The following CRTAC1 variants were observed in gnomAD, a reference collection of about 807,000 sequenced individuals.
The protein encoded by CRTAC1 is acidic secreted protein in cartilage.
Under a neutral mutation model 67.8 loss-of-function variants are expected in CRTAC1, and 37 were observed. The ratio of observed to expected loss-of-function variants is 0.55; its 90% CI spans 0.42 to 0.72. The LOEUF (loss-of-function observed/expected upper bound fraction) is 0.72, where lower values mean the gene tolerates loss of function less well. Among genes scored for constraint, CRTAC1 ranks in the 30% least tolerant of loss-of-function variants. The probability of loss-of-function intolerance (pLI) is 0.00; values close to 1 mark genes in which losing one functional copy is unlikely to be tolerated. For missense variants in CRTAC1, 780 were observed against 931.6 expected, an observed-to-expected ratio of 0.84 and a Z score of 2.12; for synonymous variants, 348 against 371.0, an observed-to-expected ratio of 0.94 and a Z score of 0.71.
At chr10:97,961,771 GCCTATAAAGCC>G (rs986227592) in intron 2 of CRTAC1, among the ~76,000 whole-genome samples, 14 of 152,194 alleles carry the variant, frequency 9.2e-5, no homozygotes, top group African/African-American at 3.4e-4. Context: ...AGTGGCTCAT[GCCTATAAAGCC>G]CCAGTAGTCT....
chr10:97,939,367 T>C (rs981975353), intron 2 of CRTAC1, among the ~76,000 whole-genome samples: 5 of 152,130 alleles, frequency 3.3e-5, no homozygotes, highest in Admixed American at 3.3e-4. Flanking sequence ...TTCGATCAGT[T>C]ACTGAGTGAG....
chr10:97,923,277 C>A lies in CRTAC1; in HGVS notation c.545G>T (p.Cys182Phe). Reference protein sequence around the residue: ...ASLFAGRSVACVDRKGSGRYS... With the variant: ...ASLFAGRSVAFVDRKGSGRYS... Reference sequence around the variant, plus strand: ...CCCTGCACTCACCTTTCTGTCCACACAGGCCACAGAGCGTCCGGCAAAGAG... The same window carrying A: ...CCCTGCACTCACCTTTCTGTCCACAAAGGCCACAGAGCGTCCGGCAAAGAG... The change falls in exon 4 of 15, where the codon TGT (cysteine) becomes TTT (phenylalanine). Residue 182 changes from cysteine (C) to phenylalanine (F), a missense_variant. Transcript: ENST00000370597. The A allele has an allele frequency of 6.2e-7, 1 of 1,614,140 alleles. No individual in the cohort carries two copies. The highest frequency in any genetic ancestry group is 8.5e-7 in the Non-Finnish European group (1 of 1,180,042).
intron 5 of CRTAC1, among the ~76,000 whole-genome samples, chr10:97,917,127 G>T (rs2050770265): frequency 6.6e-6 from 1 of 152,190 alleles, no homozygotes; most frequent in Admixed American, 6.5e-5. Flanking sequence ...TTAAATCTCG[G>T]CTTTTGTGAT....
intron 11 of CRTAC1, among the ~76,000 whole-genome samples, chr10:97,889,581 G>A (rs1356498923): frequency 6.6e-6 from 1 of 152,084 alleles, no homozygotes; most frequent in African/African-American, 2.4e-5. Flanking sequence ...ACCCATGGAC[G>A]GAGGTGGGGA....
intron 1 of CRTAC1, among the ~76,000 whole-genome samples, chr10:98,013,736 T>C (rs1471256899): frequency 6.6e-6 from 1 of 152,236 alleles, no homozygotes; most frequent in Non-Finnish European, 1.5e-5. Flanking sequence ...GCTGCTTCTA[T>C]AAACTTCAGG....
chr10:97,883,491 T>C (rs1279782492), intron 12 of CRTAC1, among the ~76,000 whole-genome samples: 1 of 152,084 alleles, frequency 6.6e-6, no homozygotes, highest in Admixed American at 6.5e-5. Context: ...CAATCAACCG[T>C]ACTGATGAAT....
intron 8 of CRTAC1, among the ~76,000 whole-genome samples, chr10:97,897,362 C>T (rs980056754): frequency 1.3e-5 from 2 of 152,194 alleles, no homozygotes; most frequent in African/African-American, 2.4e-5. Flanking sequence ...TTTAACCCCA[C>T]TCAATGCTAC....
intron 1 of CRTAC1, among the ~76,000 whole-genome samples, chr10:98,025,331 C>T (rs1564941037): frequency 2.0e-5 from 3 of 152,156 alleles, no homozygotes; most frequent in South Asian, 4.2e-4. Context: ...CTAGTGGATA[C>T]TAGTAGCACC....
intron 2 of CRTAC1, among the ~76,000 whole-genome samples, chr10:98,000,658 G>A (rs1842670798): frequency 6.6e-6 from 1 of 152,232 alleles, no homozygotes; most frequent in East Asian, 1.9e-4. Context: ...TTGGGCAAAA[G>A]CGCCACCAGC....
chr10:97,960,806 T>C (rs889632682), intron 2 of CRTAC1, among the ~76,000 whole-genome samples: 1 of 152,214 alleles, frequency 6.6e-6, no homozygotes, highest in Non-Finnish European at 1.5e-5. Flanking sequence ...ATAAACTATG[T>C]CTACAGCATC....
chr10:97,873,510 T>C (rs2050114571), intron 14 of CRTAC1, among the ~76,000 whole-genome samples: 1 of 152,192 alleles, frequency 6.6e-6, no homozygotes, highest in Non-Finnish European at 1.5e-5. Context: ...GGCCTAAACT[T>C]GTCCTTCTGC....
intron 11 of CRTAC1, among the ~76,000 whole-genome samples, chr10:97,893,658 G>T (rs1174000187): frequency 1.3e-5 from 2 of 152,118 alleles, no homozygotes; most frequent in African/African-American, 2.4e-5. Flanking sequence ...TCACCCAATG[G>T]TTGCAGGTTG....
In CRTAC1 at chr10:98,023,417, C is replaced by T. The variant is rs1843161713; in HGVS notation, c.24+7032G>A. On this transcript the variant is annotated intron_variant, in intron 1 of 14. Coordinates refer to ENST00000370597, the MANE Select transcript of CRTAC1 (RefSeq NM_018058.7). ...CTTACTCATTTGTGCACCCACTGAG[C>T]ACCTACTGAGCCCCTCCACATGCCA... Among the ~76,000 whole-genome samples the T allele has an allele frequency of 2.6e-5, 4 of 152,226 alleles. No homozygotes were observed. In the South Asian group the frequency reaches 8.3e-4, roughly 32 times the overall value.
chr10:98,014,011 G>A (rs1028300514), intron 1 of CRTAC1, among the ~76,000 whole-genome samples: 3 of 152,220 alleles, frequency 2.0e-5, no homozygotes, highest in African/African-American at 7.2e-5. Context: ...CACCCACCGG[G>A]CTTCTCAGTA....
chr10:97,936,405 G>A (rs1378508985), intron 2 of CRTAC1, 39 bp from the exon 3 acceptor site: 4 of 1,539,874 alleles, frequency 2.6e-6, no homozygotes, highest in South Asian at 1.2e-5. Flanking sequence ...GGGAGGAGCC[G>A]CTGGGCCCAC....
intron 7 of CRTAC1, among the ~76,000 whole-genome samples, chr10:97,904,171 G>A (rs1465341249): frequency 6.6e-6 from 1 of 152,066 alleles, no homozygotes; most frequent in East Asian, 1.9e-4. Flanking sequence ...CTCGGAGGCT[G>A]CTCTCCCACC....
At chr10:98,004,014 A>G (rs949575994) in intron 2 of CRTAC1, among the ~76,000 whole-genome samples, 1 of 152,236 alleles carries the variant, frequency 6.6e-6, no homozygotes, top group East Asian at 1.9e-4. Flanking sequence ...AAAAGTTTTA[A>G]GAATGGGCTA....
intron 2 of CRTAC1, among the ~76,000 whole-genome samples, chr10:98,005,107 T>A (rs1358297594): frequency 2.4e-5 from 3 of 125,576 alleles, no homozygotes; most frequent in African/African-American, 9.5e-5. Context: ...TATATTTTTT[T>A]TTTTTTTTTT....
intron 2 of CRTAC1, among the ~76,000 whole-genome samples, chr10:97,937,763 C>T (rs2051112310): frequency 1.3e-5 from 2 of 152,284 alleles, no homozygotes; most frequent in Admixed American, 1.3e-4. Flanking sequence ...TGTCTGAGGC[C>T]TCTTCCTGCC....
Sources: gnomAD v4.1 joint callset for allele counts (sites outside exome capture counted in the v4.1 genomes callset) on GRCh38, gnomAD v4.1.1 for gene constraint, MANE v1.5 for transcripts, NCBI Gene and HGNC (gene_info 2026-07-23, HGNC 2026-07-21) for gene names.